Variants in PAPSS1 observed in about 807,000 individuals in gnomAD.
PAPSS1 encodes the protein bifunctional 3'-phosphoadenosine 5'-phosphosulfate synthase 1.
A neutral mutation model predicts 72.0 loss-of-function variants in PAPSS1; 50 were observed. The ratio of observed to expected loss-of-function variants is 0.69; its 90% CI spans 0.55 to 0.88. The LOEUF (loss-of-function observed/expected upper bound fraction) is 0.88, where lower values mean the gene tolerates loss of function less well. PAPSS1 is among the 40% of genes least tolerant of loss of function. The pLI, the probability that PAPSS1 is intolerant of heterozygous loss-of-function variation, is 0.00. For synonymous variants in PAPSS1, 261 were observed against 263.6 expected (o/e 0.99, Z 0.09); for missense variants, 657 against 782.2 (o/e 0.84, Z 1.91).
At chr4:107,641,931 T>C (rs531594041) in intron 10 of PAPSS1, among the ~76,000 whole-genome samples, 1 of 152,276 alleles carries the variant, frequency 6.6e-6, no homozygotes, top group South Asian at 2.1e-4. Flanking sequence ...CCAATTATAT[T>C]AATTACCACA....
intron 7 of PAPSS1, 148 bp downstream of exon 7, chr4:107,656,748 A>T (rs1490442135): frequency 8.2e-6 from 5 of 607,010 alleles, no homozygotes; most frequent in Non-Finnish European, 1.5e-5. Context: ...TCACTTAAAT[A>T]AAGTGTTCGG....
intron 5 of PAPSS1, among the ~76,000 whole-genome samples, chr4:107,663,369 T>C (rs2110324992): frequency 6.6e-6 from 1 of 152,292 alleles, no homozygotes; most frequent in Middle Eastern, 3.4e-3. Flanking sequence ...GTCTCCCCAG[T>C]TGTTTAAAAA....
intron 1 of PAPSS1, among the ~76,000 whole-genome samples, chr4:107,710,549 C>T (rs1723463817): frequency 6.6e-6 from 1 of 152,086 alleles, no homozygotes; most frequent in South Asian, 2.1e-4. Flanking sequence ...GAGCAGATAG[C>T]TGAAAGAACA....
chr4:107,668,555 A>G (rs2110328226), intron 5 of PAPSS1, among the ~76,000 whole-genome samples: 2 of 152,262 alleles, frequency 1.3e-5, no homozygotes, highest in South Asian at 4.1e-4. Flanking sequence ...CTAATCAACT[A>G]CAAGCATCAC....
chr4:107,701,976 C>CAAAAAAAAAAA (rs11328129), intron 1 of PAPSS1, among the ~76,000 whole-genome samples: 1 of 133,920 alleles, frequency 7.5e-6, no homozygotes. Flanking sequence ...AAAGCTGCTT[C>CAAAAAAAAAAA]AAAAAAAAAA....
chr4:107,658,944 G>C (rs1175932359), intron 6 of PAPSS1, among the ~76,000 whole-genome samples: 9 of 152,142 alleles, frequency 5.9e-5, no homozygotes, highest in Non-Finnish European at 1.0e-4. Context: ...CCAATGAATT[G>C]AAAATACATT....
intron 11 of PAPSS1, among the ~76,000 whole-genome samples, chr4:107,618,393 A>G (rs973033342): frequency 2.0e-5 from 3 of 151,106 alleles, no homozygotes; most frequent in African/African-American, 7.3e-5. Flanking sequence ...TTTTTTAAGG[A>G]AACGAGAGAA....
chr4:107,624,051 C>T (rs983615255), intron 11 of PAPSS1, among the ~76,000 whole-genome samples: 1 of 152,196 alleles, frequency 6.6e-6, no homozygotes, highest in Non-Finnish European at 1.5e-5. Context: ...TCAACTCCAG[C>T]TCCTACCTTT....
intron 5 of PAPSS1, among the ~76,000 whole-genome samples, chr4:107,661,573 A>G (rs1056817192): frequency 6.6e-6 from 1 of 152,222 alleles, no homozygotes; most frequent in Non-Finnish European, 1.5e-5. Context: ...GAAAATAGCC[A>G]ATCTGAAAAG....
chr4:107,675,768 C>T (rs1044815237), intron 5 of PAPSS1, among the ~76,000 whole-genome samples: 9 of 152,222 alleles, frequency 5.9e-5, no homozygotes, highest in South Asian at 2.1e-4. Flanking sequence ...TGGTGAACAT[C>T]GATGCAAAAA....
chr4:107,616,925 T>A (rs933363094), intron 11 of PAPSS1, among the ~76,000 whole-genome samples: 7 of 152,198 alleles, frequency 4.6e-5, no homozygotes, highest in African/African-American at 1.7e-4. Context: ...ATGCCCTTCA[T>A]AATGATCTCA....
At chr4:107,715,148 T>C (rs1723601582) in intron 1 of PAPSS1, among the ~76,000 whole-genome samples, 1 of 152,232 alleles carries the variant, frequency 6.6e-6, no homozygotes, top group Non-Finnish European at 1.5e-5. Context: ...ACTAACCACA[T>C]ACGCAGCTCT....
chr4:107,697,009 A>T (rs1018075879), intron 2 of PAPSS1, among the ~76,000 whole-genome samples: 14 of 152,184 alleles, frequency 9.2e-5, no homozygotes, highest in Non-Finnish European at 1.5e-4. Context: ...ATGATGTGTG[A>T]CTACCAAGGC....
intron 9 of PAPSS1, among the ~76,000 whole-genome samples, chr4:107,646,293 A>ATC (rs1491291361): frequency 2.5e-5 from 2 of 79,320 alleles, no homozygotes; most frequent in African/African-American, 8.2e-5. Context: ...AGAACTACAG[A>ATC]TATATATATA....
At chr4:107,625,860 A>T (rs530183586) in intron 11 of PAPSS1, among the ~76,000 whole-genome samples, 18 of 152,290 alleles carry the variant, frequency 1.2e-4, no homozygotes, top group African/African-American at 3.8e-4. Context: ...AGTGTTTTTT[A>T]AAAATGACAC....
chr4:107,637,753 T>C (rs1267794190), intron 10 of PAPSS1, among the ~76,000 whole-genome samples: 62 of 152,218 alleles, frequency 4.1e-4, no homozygotes, highest in Non-Finnish European at 1.5e-4. Context: ...ACTATTTTTT[T>C]AGTAAATGTT....
intron 5 of PAPSS1, among the ~76,000 whole-genome samples, chr4:107,680,858 C>A (rs1181496112): frequency 6.6e-6 from 1 of 152,070 alleles, no homozygotes; most frequent in East Asian, 1.9e-4. Flanking sequence ...TGGGATGTCT[C>A]AGTGGCCTGC....
intron 4 of PAPSS1, among the ~76,000 whole-genome samples, chr4:107,684,805 C>T (rs1456815129): frequency 6.6e-6 from 1 of 152,194 alleles, no homozygotes; most frequent in African/African-American, 2.4e-5. Context: ...ATGTATAAAA[C>T]CAAGCTGTGC....
At chr4:107,621,608 C>CTTTTTTTTATTT (rs1725956730) in intron 11 of PAPSS1, among the ~76,000 whole-genome samples, 1 of 48,148 alleles carries the variant, frequency 2.1e-5, no homozygotes, top group Non-Finnish European at 3.9e-5. Flanking sequence ...GGTTTTTTAT[C>CTTTTTTTTATTT]TTTTTTTTTT....
Sources: allele counts gnomAD v4.1 joint callset (sites outside exome capture counted in the v4.1 genomes callset), GRCh38; gene constraint gnomAD v4.1.1; transcripts MANE v1.5; gene names NCBI Gene and HGNC (gene_info 2026-07-23, HGNC 2026-07-21).